Variants in AKAP6 observed in about 807,000 individuals in gnomAD.
The protein encoded by AKAP6 is A-kinase anchoring protein 6.
Under a neutral mutation model 188.5 loss-of-function variants are expected in AKAP6, and 58 were observed. The observed-to-expected ratio is 0.31, with a 90% confidence interval of 0.25 to 0.38. AKAP6 has a LOEUF of 0.38. Among genes scored for constraint, AKAP6 ranks in the 10% least tolerant of loss-of-function variants. The pLI, the probability that AKAP6 is intolerant of heterozygous loss-of-function variation, is 1.00. For synonymous variants in AKAP6, 989 were observed against 998.6 expected (o/e 0.99, Z 0.18); for missense variants, 2,710 against 2,740.0 (o/e 0.99, Z 0.24).
At chr14:32,781,006 G>C (rs1007036125) in intron 12 of AKAP6, among the ~76,000 whole-genome samples, 1 of 151,978 alleles carries the variant, frequency 6.6e-6, no homozygotes, top group Non-Finnish European at 1.5e-5. Context: ...TAAGATCTTA[G>C]TTTTCACCTT....
At chr14:32,714,783 A>G (rs139334231) in intron 9 of AKAP6, among the ~76,000 whole-genome samples, 478 of 152,042 alleles carry the variant, frequency 3.1e-3, no homozygotes, top group African/African-American at 0.011. Flanking sequence ...TTCATAATAT[A>G]TGAGCAACCT....
chr14:32,806,650 C>A (rs1422298698), intron 12 of AKAP6, among the ~76,000 whole-genome samples: 3 of 151,744 alleles, frequency 2.0e-5, no homozygotes, highest in African/African-American at 7.3e-5. Flanking sequence ...ACACTCCAGC[C>A]CGGGCAGCAG....
intron 1 of AKAP6, among the ~76,000 whole-genome samples, chr14:32,419,529 C>G (rs1337676527): frequency 6.6e-6 from 1 of 152,100 alleles, no homozygotes; most frequent in African/African-American, 2.4e-5. Flanking sequence ...TGTGGCTTAA[C>G]GTATTATTTG....
intron 10 of AKAP6, 200 bp downstream of exon 10, chr14:32,732,800 C>G (rs553175295): frequency 3.1e-6 from 2 of 644,492 alleles, no homozygotes; most frequent in African/African-American, 1.8e-5. Context: ...TGAGCTTGTC[C>G]CCTCTCAGAT....
chr14:32,740,563 A>T (rs1422512198), intron 11 of AKAP6, among the ~76,000 whole-genome samples: 1 of 152,024 alleles, frequency 6.6e-6, no homozygotes, highest in Non-Finnish European at 1.5e-5. Flanking sequence ...GGTGAGAGGT[A>T]GGGGTCTAGT....
At chr14:32,653,015 T>C (rs1362156845) in intron 7 of AKAP6, among the ~76,000 whole-genome samples, 1 of 152,102 alleles carries the variant, frequency 6.6e-6, no homozygotes, top group African/African-American at 2.4e-5. Flanking sequence ...ATTGTGCCAC[T>C]ACACTCCAGC....
intron 1 of AKAP6, among the ~76,000 whole-genome samples, chr14:32,348,410 TTTGTTTC>T (rs919921249): frequency 8.7e-5 from 8 of 92,128 alleles, no homozygotes; most frequent in African/African-American, 3.2e-4. Context: ...TTTCTTTTCT[TTTGTTTC>T]TTTTTTTTTT....
chr14:32,510,412 A>ATG (rs1310883753), intron 2 of AKAP6, among the ~76,000 whole-genome samples: 2,478 of 92,026 alleles, frequency 0.027, 76 homozygotes, highest in Non-Finnish European at 0.042. Context: ...ATGTATATAT[A>ATG]TGTATATATA....
chr14:32,817,095 G>T (rs191530062), intron 12 of AKAP6, among the ~76,000 whole-genome samples: 1 of 152,180 alleles, frequency 6.6e-6, no homozygotes, highest in Admixed American at 6.5e-5. Context: ...TTATTGTTTT[G>T]TAGACTGTCG....
chr14:32,338,844 T>C (rs1001727538), intron 1 of AKAP6, among the ~76,000 whole-genome samples: 2 of 152,160 alleles, frequency 1.3e-5, no homozygotes, highest in African/African-American at 4.8e-5. Context: ...ATGAAAGTTA[T>C]TGTTTCACAT....
chr14:32,622,492 T>G (rs186523832), intron 7 of AKAP6, among the ~76,000 whole-genome samples: 3 of 152,050 alleles, frequency 2.0e-5, no homozygotes, highest in African/African-American at 7.2e-5. Context: ...AAGAAAAATA[T>G]AAGGTGCTGA....
intron 1 of AKAP6, among the ~76,000 whole-genome samples, chr14:32,417,391 T>C (rs372373783): frequency 6.6e-6 from 1 of 152,346 alleles, no homozygotes; most frequent in East Asian, 1.9e-4. Flanking sequence ...AATATACATA[T>C]AGACTGAGAA....
intron 1 of AKAP6, among the ~76,000 whole-genome samples, chr14:32,348,798 T>C (rs906404967): frequency 6.6e-6 from 1 of 152,088 alleles, no homozygotes; most frequent in Non-Finnish European, 1.5e-5. Context: ...TCCACATTGC[T>C]CCCCACCCAA....
At chr14:32,551,909 G>A (rs1268129544) in intron 4 of AKAP6, among the ~76,000 whole-genome samples, 5 of 151,758 alleles carry the variant, frequency 3.3e-5, no homozygotes, top group South Asian at 2.1e-4. Context: ...CTTGTGATCC[G>A]CCGGCCTCGG....
intron 1 of AKAP6, among the ~76,000 whole-genome samples, chr14:32,427,652 A>G (rs1890080300): frequency 6.6e-6 from 1 of 152,194 alleles, no homozygotes; most frequent in Admixed American, 6.5e-5. Flanking sequence ...TATACAGGGT[A>G]CACCTCTGGA....
At chr14:32,637,137 G>A (rs1887530525) in intron 7 of AKAP6, among the ~76,000 whole-genome samples, 1 of 152,074 alleles carries the variant, frequency 6.6e-6, no homozygotes, top group Non-Finnish European at 1.5e-5. Context: ...AGGTTGTGTT[G>A]GAAGGATTAA....
rs142761428 is a variant in AKAP6 at position 32,552,772 on chromosome 14, A to G, written c.2346+5773A>G. On this transcript the variant is annotated intron_variant, in intron 4 of 13. Transcript: ENST00000280979. Reference sequence around the variant, plus strand: ...AGCTTATTTGAAGGCAGAAGTGGCAAGAGAGATTGAAGTAGCTAGAAAGAC... The same window carrying G: ...AGCTTATTTGAAGGCAGAAGTGGCAGGAGAGATTGAAGTAGCTAGAAAGAC... 4.0e-4 allele frequency among the ~76,000 whole-genome samples: 61 copies of G among 152,354 alleles called. No homozygotes were observed. In the East Asian group the frequency reaches 6.6e-3, roughly 16 times the overall value.
rs180816957 is a variant in AKAP6, at chr14:32,399,279, G to A, written c.-34-34181G>A. ...CTCATTCAAATATACAGAGGTATGAGTTTAATATGGTAATTCTGAAAGATT... is the reference window on the plus strand; with the variant it reads ...CTCATTCAAATATACAGAGGTATGAATTTAATATGGTAATTCTGAAAGATT... On this transcript the variant is annotated intron_variant, in intron 1 of 13. Coordinates refer to ENST00000280979, the MANE Select transcript of AKAP6 (RefSeq NM_004274.5). 6.0e-4 allele frequency among the ~76,000 whole-genome samples: 91 copies of A among 152,286 alleles called. 1 individual carries two copies. The highest frequency in any genetic ancestry group is 1.9e-3 in the African/African-American group (80 of 41,556).
chr14:32,666,257 T>A (rs1045790355), intron 7 of AKAP6, among the ~76,000 whole-genome samples: 1 of 152,138 alleles, frequency 6.6e-6, no homozygotes, highest in African/African-American at 2.4e-5. Flanking sequence ...TATATGTTTG[T>A]CATTTATCAG....
Sources: gnomAD v4.1 joint callset for allele counts (sites outside exome capture counted in the v4.1 genomes callset) on GRCh38, gnomAD v4.1.1 for gene constraint, MANE v1.5 for transcripts, NCBI Gene and HGNC (gene_info 2026-07-23, HGNC 2026-07-21) for gene names.